The following PRKCE variants were observed in gnomAD, a reference collection of about 807,000 sequenced individuals.
PRKCE encodes protein kinase C epsilon.
PRKCE carries 16 observed loss-of-function variants against 85.4 expected under a neutral mutation model. That is an observed-to-expected ratio of 0.19 (90% confidence interval 0.13 to 0.28). The LOEUF is 0.28. Among genes scored for constraint, PRKCE ranks in the 10% least tolerant of loss-of-function variants. PRKCE has a pLI of 1.00. For synonymous variants in PRKCE, 388 were observed against 371.5 expected (o/e 1.04, Z -0.51); for missense variants, 573 against 975.2 (o/e 0.59, Z 5.49).
intron 10 of PRKCE, among the ~76,000 whole-genome samples, chr2:46,079,046 G>A (rs755895409): frequency 3.9e-5 from 6 of 151,916 alleles, no homozygotes; most frequent in Admixed American, 1.3e-4. Context: ...GTGTGGTGGC[G>A]TGTGCCTGTA....
intron 2 of PRKCE, among the ~76,000 whole-genome samples, chr2:45,910,838 G>T (rs1032385105): frequency 6.6e-6 from 1 of 152,182 alleles, no homozygotes; most frequent in Non-Finnish European, 1.5e-5. Flanking sequence ...AGTCCAGGAT[G>T]TGCTGGACAG....
At chr2:46,164,436 C>G (rs1419810234) in intron 14 of PRKCE, among the ~76,000 whole-genome samples, 1 of 152,224 alleles carries the variant, frequency 6.6e-6, no homozygotes, top group Non-Finnish European at 1.5e-5. Context: ...GTGCCTGAAG[C>G]CCCTGAGGGA....
intron 11 of PRKCE, among the ~76,000 whole-genome samples, chr2:46,140,447 A>C (rs1675403211): frequency 6.6e-6 from 1 of 152,196 alleles, no homozygotes; most frequent in Non-Finnish European, 1.5e-5. Context: ...TATTCAACGT[A>C]AGGGACTGGG....
Position 45,894,657 on chromosome 2 carries a change from A to G in PRKCE, c.412+51594A>G, listed in dbSNP as rs554815909. Among the ~76,000 whole-genome samples the G allele has an allele frequency of 3.9e-5, 6 of 152,236 alleles. No homozygotes were observed. The South Asian group carries it at 1.2e-3, about 32-fold the overall frequency. ...AAACATTCTCCATGATGCCTGGCAC[A>G]CACACACAGTAGTTCCCTTCCACTT... On this transcript the variant is annotated intron_variant, in intron 2 of 14. Coordinates refer to ENST00000306156, the MANE Select transcript of PRKCE (RefSeq NM_005400.3).
chr2:45,878,394 C>G (rs1573717362), intron 2 of PRKCE, among the ~76,000 whole-genome samples: 1 of 152,220 alleles, frequency 6.6e-6, no homozygotes, highest in Non-Finnish European at 1.5e-5. Context: ...AGGTTTATTT[C>G]CAGTCTACTC....
At chr2:45,835,033 TGTGA>T (rs1690742085) in intron 1 of PRKCE, among the ~76,000 whole-genome samples, 3 of 152,236 alleles carry the variant, frequency 2.0e-5, no homozygotes. Flanking sequence ...GCTGTGTGCC[TGTGA>T]GTGTGTTTGC....
At chr2:46,077,866 T>C (rs1407085582) in intron 10 of PRKCE, 3 of 152,234 alleles carry the variant, frequency 2.0e-5, no homozygotes, top group African/African-American at 7.2e-5. Context: ...TAGACAAGGC[T>C]CTGCCTGTAG....
chr2:46,084,208 G>C (rs962018303), intron 10 of PRKCE, among the ~76,000 whole-genome samples: 1 of 152,210 alleles, frequency 6.6e-6, no homozygotes, highest in African/African-American at 2.4e-5. Flanking sequence ...GGCCCTTTGT[G>C]AATACCGGTA....
chr2:45,944,632 G>A lies in PRKCE; in HGVS notation c.413-31797G>A, dbSNP rs993423610. Among the ~76,000 whole-genome samples the A allele has an allele frequency of 9.3e-4, 138 of 148,834 alleles. 1 individual carries two copies. The highest frequency in any genetic ancestry group is 3.3e-3 in the East Asian group (17 of 5,116). ...GTCTCCCAAGTAGCCGGGACTACAG[G>A]TGCGTGCCACCATACCCGGCTAATT... On this transcript the variant is annotated intron_variant, in intron 2 of 14. Coordinates refer to ENST00000306156, the MANE Select transcript of PRKCE (RefSeq NM_005400.3).
chr2:45,684,183 T>C (rs1191712805), intron 1 of PRKCE, among the ~76,000 whole-genome samples: 1 of 152,242 alleles, frequency 6.6e-6, no homozygotes, highest in Admixed American at 6.5e-5. Context: ...TCCCAGGAGC[T>C]TCTGAAGTTG....
In PRKCE at chr2:45,895,926, G is replaced by GCCTC; in HGVS notation, c.412+52863_412+52864insCCTC. On this transcript the variant is annotated intron_variant, in intron 2 of 14. Coordinates refer to ENST00000306156, the MANE Select transcript of PRKCE (RefSeq NM_005400.3). This position sits in a 1 kb window ranked among gnomAD's most constrained non-coding sequence, Gnocchi z 4.8. Reference sequence around the variant, plus strand: ...GTCTGGGCTGTGGCTGAAGTTCACCGTGTGACACTGTCCACGAGGAAGGCC... The same window carrying GCCTC: ...GTCTGGGCTGTGGCTGAAGTTCACCGCCTCTGTGACACTGTCCACGAGGAAGGCC... Among the ~76,000 whole-genome samples the GCCTC allele has an allele frequency of 6.6e-6, 1 of 152,320 alleles. No homozygotes were observed. The highest frequency in any genetic ancestry group is 2.4e-5 in the African/African-American group (1 of 41,568).
At chr2:46,099,331 C>G (rs2104051788) in intron 11 of PRKCE, among the ~76,000 whole-genome samples, 1 of 152,212 alleles carries the variant, frequency 6.6e-6, no homozygotes, top group South Asian at 2.1e-4. Flanking sequence ...CTCTTTGAGT[C>G]ACTACTTGAG....
intron 2 of PRKCE, among the ~76,000 whole-genome samples, chr2:45,960,885 A>G (rs1209707691): frequency 1.3e-5 from 2 of 152,056 alleles, no homozygotes; most frequent in African/African-American, 2.4e-5. Flanking sequence ...GCCCAGCACA[A>G]CCTCTCCAAA....
chr2:45,944,415 T>C (rs1048354522), intron 2 of PRKCE, among the ~76,000 whole-genome samples: 1 of 152,160 alleles, frequency 6.6e-6, no homozygotes, highest in African/African-American at 2.4e-5. Context: ...TGGTATACAG[T>C]TTTCAAAACT....
chr2:45,676,508 A>C (rs973963517), intron 1 of PRKCE, among the ~76,000 whole-genome samples: 1 of 152,376 alleles, frequency 6.6e-6, no homozygotes, highest in Non-Finnish European at 1.5e-5. Flanking sequence ...TAAGTTTATA[A>C]GACTAGAGTA....
chr2:45,928,508 A>C (rs1489240680), intron 2 of PRKCE, among the ~76,000 whole-genome samples: 1 of 152,128 alleles, frequency 6.6e-6, no homozygotes, highest in Non-Finnish European at 1.5e-5. Context: ...AGCTCAGGCA[A>C]TTCTGCCCGC....
intron 1 of PRKCE, among the ~76,000 whole-genome samples, chr2:45,738,864 C>T (rs542316880): frequency 2.0e-5 from 3 of 152,238 alleles, no homozygotes; most frequent in South Asian, 2.1e-4. Flanking sequence ...AGTTTTTACA[C>T]GGCTCAATCA....
rs764740581 is a variant in PRKCE at position 45,652,192 on chromosome 2, C to T, written c.92C>T (p.Pro31Leu). The T allele has an allele frequency of 2.5e-6, 4 of 1,613,380 alleles. No individual in the cohort carries two copies. The highest frequency in any genetic ancestry group is 3.4e-6 in the Non-Finnish European group (4 of 1,179,914). The change falls in exon 1 of 15, where the codon CCC becomes CTC. Residue 31 changes from proline to leucine, a missense_variant. By Grantham distance (98) the Pro-to-Leu change is moderately conservative. This residue lies in a region of PRKCE where 100 missense variants were observed against 177.1 expected (regional missense o/e 0.56). Transcript: ENST00000306156. The surrounding 1 kb of genome is among the most constrained non-coding windows in gnomAD (Gnocchi z 7.7). ...TAWSLRHAVG[P>L]RPQTFLLDPY... ...TGGTCGCTGCGCCATGCGGTGGGAC[C>T]CCGGCCGCAGACTTTCCTTCTCGAC... is the stretch of plus-strand genomic sequence containing the variant.
At chr2:46,101,514 G>T (rs1411206626) in intron 11 of PRKCE, among the ~76,000 whole-genome samples, 1 of 152,166 alleles carries the variant, frequency 6.6e-6, no homozygotes, top group African/African-American at 2.4e-5. Context: ...TGGCTCTACA[G>T]AATTTGTATA....
Sources: allele counts gnomAD v4.1 joint callset (sites outside exome capture counted in the v4.1 genomes callset), GRCh38; gene constraint gnomAD v4.1.1; regional missense constraint gnomAD v4.1.1; non-coding constraint Gnocchi (gnomAD v3.1); transcripts MANE v1.5; gene names NCBI Gene and HGNC (gene_info 2026-07-23, HGNC 2026-07-21).